Variants in SPIDR observed in about 807,000 individuals in gnomAD.
SPIDR encodes scaffold protein involved in DNA repair.
Under a neutral mutation model 104.6 loss-of-function variants are expected in SPIDR, and 93 were observed. The observed-to-expected ratio is 0.89, with a 90% CI of 0.75 to 1.06. The LOEUF is 1.06. SPIDR is among the 50% of genes least tolerant of loss of function. SPIDR has a pLI of 0.00. For synonymous variants in SPIDR, 431 were observed against 416.9 expected (o/e 1.03, Z -0.41); for missense variants, 1,154 against 1,111.2 (o/e 1.04, Z -0.55).
Position 47,486,371 on chromosome 8 carries a change from G to A in SPIDR, c.1097+45829G>A, listed in dbSNP as rs545803384. On this transcript the variant is annotated intron_variant, in intron 8 of 19. Transcript: ENST00000297423. Reference sequence around the variant, plus strand: ...GACTATGTGAAAAGACCAAATCTACGTCTGATTGGTGTACCTGAAAGTGAC... The same window carrying A: ...GACTATGTGAAAAGACCAAATCTACATCTGATTGGTGTACCTGAAAGTGAC... 2.0e-5 allele frequency among the ~76,000 whole-genome samples: 3 copies of A among 152,278 alleles called. No homozygotes were observed. The East Asian group carries it at 5.8e-4, about 29-fold the overall frequency.
At chr8:47,411,008 C>T (rs1588348921) in intron 7 of SPIDR, among the ~76,000 whole-genome samples, 1 of 152,180 alleles carries the variant, frequency 6.6e-6, no homozygotes. Flanking sequence ...TTTATGGCTG[C>T]ATAGTATTTC....
intron 10 of SPIDR, among the ~76,000 whole-genome samples, chr8:47,629,133 T>G (rs1477011958): frequency 6.6e-6 from 1 of 152,224 alleles, no homozygotes; most frequent in Non-Finnish European, 1.5e-5. Context: ...TTCTTCCTGA[T>G]GCTGTCTTTT....
At chr8:47,509,566 T>A (rs1410696156) in intron 8 of SPIDR, among the ~76,000 whole-genome samples, 2 of 152,182 alleles carry the variant, frequency 1.3e-5, no homozygotes, top group Non-Finnish European at 2.9e-5. Flanking sequence ...GTTTTATACC[T>A]TGGATATCTT....
intron 14 of SPIDR, among the ~76,000 whole-genome samples, chr8:47,704,320 T>G (rs1589361044): frequency 6.6e-6 from 1 of 152,264 alleles, no homozygotes; most frequent in East Asian, 1.9e-4. Flanking sequence ...ACATATCATT[T>G]TATCTCAGCA....
chr8:47,663,411 G>C (rs2074417229), intron 10 of SPIDR, among the ~76,000 whole-genome samples: 1 of 152,234 alleles, frequency 6.6e-6, no homozygotes, highest in Admixed American at 6.5e-5. Context: ...ACCTCACAGA[G>C]GGCCTATCCA....
At position 47,343,876 on chromosome 8, in the gene SPIDR, A is replaced by G. The variant is rs562670774; in HGVS notation, c.525+49846A>G. Among the ~76,000 whole-genome samples the G allele has an allele frequency of 6.6e-5, 10 of 151,892 alleles. No homozygotes were observed. In the South Asian group the frequency reaches 1.5e-3, roughly 22 times the overall value. On this transcript the variant is annotated intron_variant, in intron 5 of 19. Coordinates refer to ENST00000297423, the MANE Select transcript of SPIDR (RefSeq NM_001080394.4). Reference sequence around the variant, plus strand: ...CCTGGAGAATTGTCCTTCGGGGGGGAAAAGAAAATGCTTGTAGGACATTCT... The same window carrying G: ...CCTGGAGAATTGTCCTTCGGGGGGGGAAAGAAAATGCTTGTAGGACATTCT...
At chr8:47,713,791 TGG>T in intron 16 of SPIDR, 150 bp downstream of exon 16, 2 of 1,103,556 alleles carry the variant, frequency 1.8e-6, no homozygotes, top group Non-Finnish European at 2.5e-6. Context: ...AAATTGTTCT[TGG>T]TATCAGACTC....
chr8:47,556,308 A>G (rs970464498), intron 8 of SPIDR, among the ~76,000 whole-genome samples: 2 of 152,160 alleles, frequency 1.3e-5, no homozygotes, highest in Admixed American at 6.5e-5. Flanking sequence ...TTCCATACTG[A>G]ATCTCAGCCT....
At chr8:47,477,474 G>A (rs1341403802) in intron 8 of SPIDR, among the ~76,000 whole-genome samples, 1 of 152,226 alleles carries the variant, frequency 6.6e-6, no homozygotes, top group Admixed American at 6.5e-5. Flanking sequence ...GAGATTACAG[G>A]CGTGAGCCAC....
At chr8:47,496,285 G>C (rs2079427435) in intron 8 of SPIDR, among the ~76,000 whole-genome samples, 2 of 152,160 alleles carry the variant, frequency 1.3e-5, no homozygotes. Flanking sequence ...TAGGGGGAAA[G>C]TGTTCAGGGA....
At chr8:47,679,127 A>G (rs2076792313) in intron 11 of SPIDR, among the ~76,000 whole-genome samples, 1 of 152,184 alleles carries the variant, frequency 6.6e-6, no homozygotes, top group South Asian at 2.1e-4. Flanking sequence ...CCATGGAGGT[A>G]ACCTTGCAGC....
chr8:47,504,635 C>T (rs1020891074), intron 8 of SPIDR, among the ~76,000 whole-genome samples: 30 of 152,210 alleles, frequency 2.0e-4, no homozygotes, highest in African/African-American at 7.0e-4. Flanking sequence ...TCTCTCAACT[C>T]GTCAAAGTCA....
intron 11 of SPIDR, among the ~76,000 whole-genome samples, chr8:47,699,421 C>T (rs976659210): frequency 1.3e-5 from 2 of 152,172 alleles, no homozygotes; most frequent in African/African-American, 4.8e-5. Context: ...CCTGCTGTTC[C>T]CCATCTCTGT....
chr8:47,555,918 AGTCT>A (rs1445714713), intron 8 of SPIDR, among the ~76,000 whole-genome samples: 1 of 152,234 alleles, frequency 6.6e-6, no homozygotes. Context: ...TGTTGACAGT[AGTCT>A]GTCTGTCTGA....
rs375934474 is a variant in SPIDR at position 47,436,238 on chromosome 8, A to C, written c.878-4085A>C. Among the ~76,000 whole-genome samples the C allele has an allele frequency of 3.9e-5, 6 of 152,304 alleles. No homozygotes were observed. The East Asian group carries it at 9.6e-4, about 24-fold the overall frequency. ...AGAGTTAAAGTATTTGGGGATTTTCAAGGGAAGGAATAGTTGCTTCTGGCT... is the reference window on the plus strand; with the variant it reads ...AGAGTTAAAGTATTTGGGGATTTTCCAGGGAAGGAATAGTTGCTTCTGGCT... On this transcript the variant is annotated intron_variant, in intron 7 of 19. Coordinates refer to ENST00000297423, the MANE Select transcript of SPIDR (RefSeq NM_001080394.4).
intron 6 of SPIDR, among the ~76,000 whole-genome samples, chr8:47,402,226 G>T (rs1390484187): frequency 1.3e-5 from 2 of 152,148 alleles, no homozygotes; most frequent in African/African-American, 4.8e-5. Flanking sequence ...GAAATTTATA[G>T]CACTAAATGC....
intron 10 of SPIDR, among the ~76,000 whole-genome samples, chr8:47,608,705 T>C (rs1455283721): frequency 6.6e-6 from 1 of 152,208 alleles, no homozygotes; most frequent in African/African-American, 2.4e-5. Context: ...TGACTAACAA[T>C]GTTGAGCATC....
At chr8:47,403,056 A>G (rs1442418996) in intron 6 of SPIDR, among the ~76,000 whole-genome samples, 1 of 152,236 alleles carries the variant, frequency 6.6e-6, no homozygotes, top group Non-Finnish European at 1.5e-5. Context: ...AGCATACGCA[A>G]ATCAGTAAAC....
At chr8:47,371,849 T>C (rs1554639189) in intron 5 of SPIDR, among the ~76,000 whole-genome samples, 1 of 152,098 alleles carries the variant, frequency 6.6e-6, no homozygotes, top group Non-Finnish European at 1.5e-5. Context: ...GCTTGGAGCT[T>C]TCTGTGATGT....
Sources: allele counts gnomAD v4.1 joint callset (sites outside exome capture counted in the v4.1 genomes callset), GRCh38; gene constraint gnomAD v4.1.1; transcripts MANE v1.5; gene names NCBI Gene and HGNC (gene_info 2026-07-23, HGNC 2026-07-21).